NXPH1: variants seen among roughly 807,000 people sequenced by gnomAD.
The protein encoded by NXPH1 is neurexophilin-1.
A neutral mutation model predicts 23.7 loss-of-function variants in NXPH1; 5 were observed. The observed-to-expected ratio is 0.21, with a 90% CI of 0.11 to 0.44. The LOEUF (loss-of-function observed/expected upper bound fraction) is 0.44. Ranked by LOEUF, NXPH1 falls within the 20% of genes least tolerant of loss-of-function variation. The pLI, the probability that NXPH1 is intolerant of heterozygous loss-of-function variation, is 0.99. For missense variants in NXPH1, 324 were observed against 321.6 expected, an observed-to-expected ratio of 1.01 and a Z score of -0.06; for synonymous variants, 144 against 122.2, an observed-to-expected ratio of 1.18 and a Z score of -1.18.
chr7:8,740,912 G>T (rs1780350614), intron 2 of NXPH1, among the ~76,000 whole-genome samples: 1 of 152,098 alleles, frequency 6.6e-6, no homozygotes, highest in Non-Finnish European at 1.5e-5. Context: ...TATGTAGTGA[G>T]AACTCTCCTA....
At chr7:8,641,565 C>T (rs907854804) in intron 2 of NXPH1, among the ~76,000 whole-genome samples, 5 of 152,116 alleles carry the variant, frequency 3.3e-5, no homozygotes, top group Admixed American at 1.3e-4. Flanking sequence ...TTTTAGCAGT[C>T]TCTTCAGCTA....
intron 2 of NXPH1, among the ~76,000 whole-genome samples, chr7:8,705,385 G>A (rs1344504893): frequency 3.3e-5 from 5 of 152,148 alleles, no homozygotes; most frequent in Admixed American, 3.3e-4. Flanking sequence ...CTGGCAGGAT[G>A]GGACATGGGT....
chr7:8,706,147 G>A (rs1435927378), intron 2 of NXPH1, among the ~76,000 whole-genome samples: 1 of 152,172 alleles, frequency 6.6e-6, no homozygotes, highest in Non-Finnish European at 1.5e-5. Context: ...AACTTCTGCA[G>A]TTAACTAACC....
At chr7:8,489,897 T>C (rs1342967152) in intron 2 of NXPH1, among the ~76,000 whole-genome samples, 1 of 152,100 alleles carries the variant, frequency 6.6e-6, no homozygotes, top group Non-Finnish European at 1.5e-5. Flanking sequence ...TGTTTTGGTC[T>C]GATGCCCTGG....
intron 2 of NXPH1, among the ~76,000 whole-genome samples, chr7:8,471,387 A>T (rs1224539181): frequency 6.6e-6 from 1 of 152,218 alleles, no homozygotes; most frequent in Non-Finnish European, 1.5e-5. Context: ...ATATATTCTT[A>T]TAAAACTGAC....
At chr7:8,721,508 G>T (rs1292133335) in intron 2 of NXPH1, among the ~76,000 whole-genome samples, 2 of 152,196 alleles carry the variant, frequency 1.3e-5, no homozygotes, top group African/African-American at 4.8e-5. Flanking sequence ...ATTTCTTGTG[G>T]CTCACGCCTG....
At position 8,433,774 on chromosome 7, in the gene NXPH1, TC is replaced by T. The variant is rs1363553333; in HGVS notation, c.-1089del. ...GCCCTACGCGACTCCCGGCTGCTCT[TC>T]CCGCCACTCCCCTGGGCTTTGCGAT... On this transcript the variant is annotated 5_prime_UTR_variant, in exon 1 of 3. It introduces an in-frame stop codon into an upstream open reading frame of the 5' UTR. Coordinates refer to ENST00000405863, the MANE Select transcript of NXPH1 (RefSeq NM_152745.3). The surrounding 1 kb of genome is among the most constrained non-coding windows in gnomAD (Gnocchi z 6.8). Among the ~76,000 whole-genome samples, 1 of 150,534 alleles carries T rather than the reference TC, an allele frequency of 6.6e-6. No individual in the cohort carries two copies. The highest frequency in any genetic ancestry group is 2.0e-4 in the East Asian group (1 of 5,110).
intron 2 of NXPH1, among the ~76,000 whole-genome samples, chr7:8,484,317 G>T (rs1817123469): frequency 6.6e-6 from 1 of 151,918 alleles, no homozygotes; most frequent in Non-Finnish European, 1.5e-5. Context: ...AACATAGCTT[G>T]CTTTTTTGTG....
At chr7:8,729,988 G>T (rs538988283) in intron 2 of NXPH1, among the ~76,000 whole-genome samples, 37 of 151,752 alleles carry the variant, frequency 2.4e-4, no homozygotes, top group African/African-American at 7.7e-4. Flanking sequence ...TCTCTTTGTA[G>T]GTCACTCAGG....
At chr7:8,520,910 G>A (rs1022630076) in intron 2 of NXPH1, among the ~76,000 whole-genome samples, 1 of 152,116 alleles carries the variant, frequency 6.6e-6, no homozygotes, top group Non-Finnish European at 1.5e-5. Flanking sequence ...CAAAGTTGTG[G>A]CATTCACATG....
rs763331281 is a variant in NXPH1 at position 8,751,286 on chromosome 7, A to C, written c.333A>C (p.Lys111Asn). The C allele has an allele frequency of 6.2e-7, 1 of 1,613,960 alleles. No individual in the cohort carries two copies. Among genetic ancestry groups the C allele is most frequent in the Non-Finnish European group, 8.5e-7 (1 of 1,179,860 alleles). The change falls in exon 3 of 3, where the codon AAA (lysine) becomes AAC (asparagine). Residue 111 changes from lysine (K) to asparagine (N), a missense_variant. Lys to Asn is a moderately conservative substitution (Grantham distance 94). Coordinates refer to ENST00000405863, the MANE Select transcript of NXPH1 (RefSeq NM_152745.3). The surrounding 1 kb of genome is among the most constrained non-coding windows in gnomAD (Gnocchi z 4.5). ...GGGCCAAGAGAAGGCCCATTGTTAA[A>C]ACGGGCAAGTTTAAGAAAATGTTTG... is the stretch of plus-strand genomic sequence containing the variant. The part of the protein sequence containing the change: ...RPRAKRRPIV[K>N]TGKFKKMFGW...
intron 2 of NXPH1, among the ~76,000 whole-genome samples, chr7:8,455,181 G>T (rs1251236447): frequency 6.6e-6 from 1 of 151,992 alleles, no homozygotes; most frequent in Non-Finnish European, 1.5e-5. Context: ...CCACTATATT[G>T]TCAGTTCTCC....
At chr7:8,665,358 C>G (rs775669947) in intron 2 of NXPH1, among the ~76,000 whole-genome samples, 7 of 152,006 alleles carry the variant, frequency 4.6e-5, no homozygotes, top group Non-Finnish European at 8.8e-5. Context: ...TCTTGGCTTT[C>G]TATTCTATTC....
rs750717415 is a variant in NXPH1 at position 8,724,667 on chromosome 7, T to G, written c.55-26341T>G. Among the ~76,000 whole-genome samples, 66 of 152,216 alleles carry G rather than the reference T, an allele frequency of 4.3e-4. 1 individual carries two copies. The highest frequency in any genetic ancestry group is 1.3e-4 in the Non-Finnish European group (9 of 68,034). Reference sequence around the variant, plus strand: ...ATGATGTTTGTATGAATACCCTTCTTTGATTTAATGGAACTGTTTACTTAA... The same window carrying G: ...ATGATGTTTGTATGAATACCCTTCTGTGATTTAATGGAACTGTTTACTTAA... On this transcript the variant is annotated intron_variant, in intron 2 of 2. Transcript: ENST00000405863.
chr7:8,651,477 G>A (rs1034011256), intron 2 of NXPH1, among the ~76,000 whole-genome samples: 5 of 150,112 alleles, frequency 3.3e-5, no homozygotes, highest in African/African-American at 1.2e-4. Context: ...AGTCCTTTGG[G>A]TATATACCCA....
At chr7:8,538,319 C>T (rs954081102) in intron 2 of NXPH1, among the ~76,000 whole-genome samples, 1 of 151,852 alleles carries the variant, frequency 6.6e-6, no homozygotes, top group African/African-American at 2.4e-5. Context: ...TTGTCTTTTC[C>T]TCCAACAATC....
intron 2 of NXPH1, among the ~76,000 whole-genome samples, chr7:8,706,394 C>T (rs543908746): frequency 5.3e-5 from 8 of 152,210 alleles, no homozygotes; most frequent in African/African-American, 1.7e-4. Flanking sequence ...TGCATTACCT[C>T]TCCTCCCTCA....
chr7:8,503,971 G>A (rs2128612981), intron 2 of NXPH1, among the ~76,000 whole-genome samples: 1 of 152,074 alleles, frequency 6.6e-6, no homozygotes, highest in Non-Finnish European at 1.5e-5. Flanking sequence ...CAGCTTTCCA[G>A]CCCTAGCTCT....
chr7:8,643,019 C>T (rs1388806459), intron 2 of NXPH1, among the ~76,000 whole-genome samples: 10 of 152,032 alleles, frequency 6.6e-5, no homozygotes, highest in Admixed American at 5.9e-4. Context: ...TGCACGCCAC[C>T]ATGCCTGGCT....
Sources: allele counts gnomAD v4.1 joint callset (sites outside exome capture counted in the v4.1 genomes callset), GRCh38; gene constraint gnomAD v4.1.1; non-coding constraint Gnocchi (gnomAD v3.1); transcripts MANE v1.5; gene names NCBI Gene and HGNC (gene_info 2026-07-23, HGNC 2026-07-21).